The following FAAH2 variants were observed in gnomAD, a reference collection of about 807,000 sequenced individuals.
FAAH2 encodes the protein fatty acid amide hydrolase 2, also known as fatty-acid amide hydrolase 2.
FAAH2 carries 60 observed loss-of-function variants against 36.9 expected under a neutral mutation model. The observed-to-expected ratio is 1.63, with a 90% CI of 1.32 to 2.02. The LOEUF is 2.02. Ranked by LOEUF, FAAH2 falls within the 30% of genes most tolerant of loss-of-function variation. The probability of loss-of-function intolerance (pLI) is 0.00; values close to 1 mark genes in which losing one functional copy is unlikely to be tolerated. For synonymous variants in FAAH2, 214 were observed against 143.8 expected (o/e 1.49, Z -3.49); for missense variants, 689 against 397.5 (o/e 1.73, Z -6.23).
the FAAH2 span, among the ~76,000 whole-genome samples, chrX:57,223,179 G>C: frequency 3.6e-4 from 40 of 112,034 alleles, 1 homozygote; most frequent in Non-Finnish European, 7.0e-4. Context: ...GGCTTCTACA[G>C]AAAGTTGCCA....
chrX:57,143,024 C>T, the FAAH2 span, among the ~76,000 whole-genome samples: 10 of 111,110 alleles, frequency 9.0e-5, no homozygotes, highest in African/African-American at 1.3e-4. Flanking sequence ...GTTTCTTGTA[C>T]ACAGAATCTA....
intron 10 of FAAH2, among the ~76,000 whole-genome samples, chrX:57,463,265 A>G (rs747157319): frequency 5.1e-4 from 57 of 111,704 alleles, no homozygotes; most frequent in African/African-American, 1.8e-3. Context: ...TTCTATTCCC[A>G]TCAAGGTATT....
intron 10 of FAAH2, among the ~76,000 whole-genome samples, chrX:57,455,980 C>T (rs1569357698): frequency 9.0e-6 from 1 of 111,721 alleles, no homozygotes; most frequent in East Asian, 2.8e-4. Flanking sequence ...GAGTACTCCA[C>T]ACAACAACCA....
At chrX:57,349,059 A>ATG (rs113423542) in intron 5 of FAAH2, among the ~76,000 whole-genome samples, 1 of 4,134 alleles carries the variant, frequency 2.4e-4, no homozygotes, top group Admixed American at 8.9e-3. Flanking sequence ...TAAATGAGAA[A>ATG]TATATATATA....
chrX:57,207,110 C>A, the FAAH2 span, among the ~76,000 whole-genome samples: 1 of 110,604 alleles, frequency 9.0e-6, no homozygotes, highest in Admixed American at 9.7e-5. Flanking sequence ...TCAAACCTTG[C>A]AAATTTTTTT....
intron 7 of FAAH2, among the ~76,000 whole-genome samples, chrX:57,382,142 A>G (rs1415030428): frequency 8.9e-6 from 1 of 111,849 alleles, no homozygotes; most frequent in Admixed American, 9.5e-5. Context: ...ACAAAGACAC[A>G]ACATACCAGA....
chrX:57,379,543 TCTCACA>T lies in FAAH2; in HGVS notation c.878+759_878+764del, dbSNP rs1235723709. Among the ~76,000 whole-genome samples, 179 of 107,216 alleles carry T rather than the reference TCTCACA, an allele frequency of 1.7e-3. 1 individual carries two copies. Among genetic ancestry groups the T allele is most frequent in the African/African-American group, 5.9e-3 (170 of 28,922 alleles). The allele number at this position is 107,216 out of a possible 115,157, so 93.1% of individuals were successfully genotyped here. On this transcript the variant is annotated intron_variant, in intron 6 of 10. Transcript: ENST00000374900. ...CTCTGTCTCTCTCGCTCTCTCTCTC[TCTCACA>T]CACACACACACACACACACGTGTGC...
the FAAH2 span, among the ~76,000 whole-genome samples, chrX:57,215,640 A>C: frequency 1.2e-4 from 13 of 111,149 alleles, no homozygotes; most frequent in African/African-American, 3.3e-4. Context: ...CAGCCATAAA[A>C]ATGAATGAGA....
chrX:57,444,831 C>T (rs2056639642), intron 8 of FAAH2, among the ~76,000 whole-genome samples: 1 of 111,811 alleles, frequency 8.9e-6, no homozygotes, highest in East Asian at 2.8e-4. Context: ...AATTTTTCTT[C>T]TTTTTAAATT....
At chrX:57,415,564 AT>A (rs1278436468) in intron 7 of FAAH2, among the ~76,000 whole-genome samples, 1 of 111,515 alleles carries the variant, frequency 9.0e-6, no homozygotes, top group Non-Finnish European at 1.9e-5. Context: ...CTGACTTCTA[AT>A]TTGATTGCAC....
the FAAH2 span, among the ~76,000 whole-genome samples, chrX:57,224,300 G>A: frequency 1.8e-5 from 2 of 111,617 alleles, no homozygotes; most frequent in Non-Finnish European, 3.8e-5. Flanking sequence ...CAGCGACATG[G>A]TAAATACCAA....
At chrX:57,457,663 A>G (rs1322383470) in intron 10 of FAAH2, among the ~76,000 whole-genome samples, 1 of 103,551 alleles carries the variant, frequency 9.7e-6, no homozygotes, top group Non-Finnish European at 2.0e-5. Context: ...TCTAGGTGAG[A>G]ATCAAATGAA....
At chrX:57,268,553 C>A in the FAAH2 span, among the ~76,000 whole-genome samples, 1 of 111,076 alleles carries the variant, frequency 9.0e-6, no homozygotes, top group Non-Finnish European at 1.9e-5. Context: ...ATACTCATCA[C>A]GTTCTCCAAG....
chrX:57,296,025 G>A (rs1201819892), intron 2 of FAAH2, among the ~76,000 whole-genome samples: 2 of 112,417 alleles, frequency 1.8e-5, no homozygotes, highest in African/African-American at 6.5e-5. Context: ...CACCTCTGGG[G>A]GCAGGACACA....
chrX:57,251,384 C>T, the FAAH2 span, among the ~76,000 whole-genome samples: 1 of 111,702 alleles, frequency 9.0e-6, no homozygotes, highest in Non-Finnish European at 1.9e-5. Context: ...CCCAAGTCAA[C>T]AGCTAACCTC....
intron 5 of FAAH2, among the ~76,000 whole-genome samples, chrX:57,355,984 G>T (rs1426203806): frequency 9.0e-6 from 1 of 110,746 alleles, no homozygotes; most frequent in African/African-American, 3.3e-5. Context: ...TGGCTTTTTT[G>T]TCATGAAGGA....
chrX:57,364,530 C>G (rs2054366066), intron 5 of FAAH2, among the ~76,000 whole-genome samples: 1 of 91,741 alleles, frequency 1.1e-5, no homozygotes, highest in African/African-American at 4.1e-5. Flanking sequence ...TTTTGTTGAT[C>G]TTTTGTATGG....
the FAAH2 span, among the ~76,000 whole-genome samples, chrX:57,192,592 T>C: frequency 9.0e-6 from 1 of 111,411 alleles, no homozygotes; most frequent in African/African-American, 3.3e-5. Flanking sequence ...GGGTCTGATG[T>C]ATATGGCTTT....
chrX:57,456,865 A>G (rs2056872503), intron 10 of FAAH2, among the ~76,000 whole-genome samples: 1 of 111,863 alleles, frequency 8.9e-6, no homozygotes, highest in Non-Finnish European at 1.9e-5. Flanking sequence ...CCAGACATAT[A>G]AGGAAAAACT....
Sources: allele counts gnomAD v4.1 joint callset (sites outside exome capture counted in the v4.1 genomes callset), GRCh38; gene constraint gnomAD v4.1.1; transcripts MANE v1.5; gene names NCBI Gene and HGNC (gene_info 2026-07-23, HGNC 2026-07-21).